The following LNP1 variants were observed in gnomAD, a reference collection of about 807,000 sequenced individuals.
The protein encoded by LNP1 is leukemia NUP98 fusion partner 1.
Under a neutral mutation model 14.5 loss-of-function variants are expected in LNP1, and 12 were observed. The observed-to-expected ratio is 0.83, with a 90% CI of 0.53 to 1.34. The LOEUF is 1.34. Among genes scored for constraint, LNP1 ranks in the 40% most tolerant of loss-of-function variants. LNP1 has a pLI of 0.00. For synonymous variants in LNP1, 75 were observed against 71.4 expected (o/e 1.05, Z -0.26); for missense variants, 198 against 210.9 (o/e 0.94, Z 0.38).
chr3:100,409,323 T>A (rs1009361714), intron 1 of LNP1, among the ~76,000 whole-genome samples: 3 of 152,086 alleles, frequency 2.0e-5, no homozygotes, highest in African/African-American at 7.2e-5. Flanking sequence ...GCTTGTTTAC[T>A]ATAGGTCTTA....
intron 1 of LNP1, among the ~76,000 whole-genome samples, chr3:100,423,038 C>T (rs1014697457): frequency 6.6e-6 from 1 of 151,994 alleles, no homozygotes; most frequent in Non-Finnish European, 1.5e-5. Context: ...TATACTATGA[C>T]ACGTTGCCAC....
intron 1 of LNP1, among the ~76,000 whole-genome samples, chr3:100,412,779 C>T (rs1488229215): frequency 1.3e-5 from 2 of 152,162 alleles, no homozygotes; most frequent in African/African-American, 2.4e-5. Context: ...TATTCATTCT[C>T]ATATCTGCTG....
At chr3:100,405,039 G>T (rs1006268829) in intron 1 of LNP1, among the ~76,000 whole-genome samples, 16 of 152,024 alleles carry the variant, frequency 1.1e-4, no homozygotes, top group African/African-American at 3.9e-4. Context: ...TGATCCGCCC[G>T]CCTCGGCCTC....
intron 2 of LNP1, among the ~76,000 whole-genome samples, chr3:100,444,517 T>C (rs1188375385): frequency 1.3e-5 from 2 of 152,256 alleles, no homozygotes; most frequent in Non-Finnish European, 2.9e-5. Context: ...TTTTGGACTT[T>C]AGGGAACCTC....
chr3:100,454,882 C>A (rs1218142816), intron 3 of LNP1, among the ~76,000 whole-genome samples: 2 of 152,202 alleles, frequency 1.3e-5, no homozygotes, highest in Admixed American at 1.3e-4. Context: ...TGCTTAACTT[C>A]ACCTGATAAG....
rs1231008127 is a variant in LNP1, at chr3:100,455,802, A to G, written c.413A>G (p.Asn138Ser). The change falls in exon 4 of 4, where the codon AAT (asparagine) becomes AGT (serine). Residue 138 changes from asparagine (N) to serine (S), a missense_variant. Physicochemically the swap from Asn to Ser is conservative, Grantham distance 46 (BLOSUM62 1). Transcript: ENST00000383693. ...GGACCTGAAAGCAGAAAGGAGAGAA[A>G]TGAAAGAGAATGCCTGAGGATGGAG... ...SLGPESRKERNERECLRMEIK... is the reference protein window; with the variant it reads ...SLGPESRKERSERECLRMEIK... 1 of 1,613,984 alleles carries G rather than the reference A, an allele frequency of 6.2e-7. No individual in the cohort carries two copies. The highest frequency in any genetic ancestry group is 1.3e-5 in the African/African-American group (1 of 74,906).
At chr3:100,428,016 C>G (rs1259250382) in intron 1 of LNP1, among the ~76,000 whole-genome samples, 1 of 152,150 alleles carries the variant, frequency 6.6e-6, no homozygotes, top group East Asian at 1.9e-4. Flanking sequence ...GGCAAATGGC[C>G]AAGAATTCCT....
Position 100,402,053 on chromosome 3 carries a change from C to A in LNP1, c.-420C>A, listed in dbSNP as rs1337457822. ...AGCAGTCTCAGCCCTCTTCTCGTCT[C>A]ATTCCCAAATCGTAATTTCAGTTCA... On this transcript the variant is annotated 5_prime_UTR_variant, in exon 1 of 4. Transcript: ENST00000383693. The A allele has an allele frequency of 6.6e-6, 1 of 152,258 alleles. No individual in the cohort carries two copies. The highest frequency in any genetic ancestry group is 2.4e-5 in the African/African-American group (1 of 41,462). The allele number at this position is 152,258 out of a possible 1,614,324, so 9.4% of individuals were successfully genotyped here. A position where few individuals can be genotyped will look rare whatever the true frequency, so the allele number is the denominator to read the frequency against.
At chr3:100,418,244 A>ATCTTTTT (rs1214317464) in intron 1 of LNP1, among the ~76,000 whole-genome samples, 68 of 135,916 alleles carry the variant, frequency 5.0e-4, no homozygotes, top group Middle Eastern at 3.6e-3. Flanking sequence ...TTTTTTTTGT[A>ATCTTTTT]TTTTTAGCCA....
At chr3:100,404,895 C>T (rs558509651) in intron 1 of LNP1, among the ~76,000 whole-genome samples, 3 of 150,536 alleles carry the variant, frequency 2.0e-5, no homozygotes, top group South Asian at 2.1e-4. Flanking sequence ...TGGGTTCAAG[C>T]GATTCTCTTG....
intron 1 of LNP1, among the ~76,000 whole-genome samples, chr3:100,411,692 T>G (rs1707033267): frequency 6.6e-6 from 1 of 152,180 alleles, no homozygotes; most frequent in Non-Finnish European, 1.5e-5. Flanking sequence ...GTTTCTCACA[T>G]GACCTCTTTG....
chr3:100,444,873 C>A (rs1337443734), intron 2 of LNP1, among the ~76,000 whole-genome samples: 2 of 152,262 alleles, frequency 1.3e-5, no homozygotes, highest in East Asian at 3.9e-4. Context: ...ACCTTTATAA[C>A]CTTTATTAAG....
Position 100,436,072 on chromosome 3 carries a change from T to C in LNP1, c.156+6187T>C, listed in dbSNP as rs114578850. Among the ~76,000 whole-genome samples the C allele has an allele frequency of 9.1e-3, 1,387 of 152,310 alleles. 22 individuals carry two copies. The highest frequency in any genetic ancestry group is 0.033 in the African/African-American group (1,351 of 41,558). On this transcript the variant is annotated intron_variant, in intron 2 of 3. Coordinates refer to ENST00000383693, the MANE Select transcript of LNP1 (RefSeq NM_001085451.2). ...CTGATGGAGCTGCAAATTGTTTTAA[T>C]ACTGCTTATGTCAGGGCCGGTGCTT...
chr3:100,450,334 T>C (rs924288521), intron 2 of LNP1, among the ~76,000 whole-genome samples: 19 of 143,776 alleles, frequency 1.3e-4, no homozygotes, highest in African/African-American at 5.0e-4. Context: ...GGATGTTAAT[T>C]TTTTTTTTTT....
rs147743318 is a variant in LNP1, at chr3:100,419,156, A to G, written c.-33-10541A>G. On this transcript the variant is annotated intron_variant, in intron 1 of 3. Coordinates refer to ENST00000383693, the MANE Select transcript of LNP1 (RefSeq NM_001085451.2). ...AGGTTTTTTCTGCTACAGTTGCTCT[A>G]TTAGTTTTCATGTGGGGATTCAAAC... Among the ~76,000 whole-genome samples, 32 of 152,294 alleles carry G rather than the reference A, an allele frequency of 2.1e-4. No individual in the cohort carries two copies. The East Asian group carries it at 6.0e-3, about 28-fold the overall frequency.
chr3:100,405,938 A>G (rs1164709006), intron 1 of LNP1, among the ~76,000 whole-genome samples: 1 of 152,132 alleles, frequency 6.6e-6, no homozygotes, highest in Non-Finnish European at 1.5e-5. Context: ...GCCTCCCTTC[A>G]TACACCTCTT....
At chr3:100,438,709 T>C (rs1707315010) in intron 2 of LNP1, among the ~76,000 whole-genome samples, 1 of 152,146 alleles carries the variant, frequency 6.6e-6, no homozygotes, top group Non-Finnish European at 1.5e-5. Flanking sequence ...AGAGTCATGC[T>C]GTTTGGAGCA....
At chr3:100,418,636 A>G (rs964578555) in intron 1 of LNP1, among the ~76,000 whole-genome samples, 2 of 152,164 alleles carry the variant, frequency 1.3e-5, no homozygotes, top group Non-Finnish European at 2.9e-5. Context: ...AGTGTTTACA[A>G]ATATGGCAGC....
intron 2 of LNP1, among the ~76,000 whole-genome samples, chr3:100,437,170 A>G (rs1707300748): frequency 6.6e-6 from 1 of 152,222 alleles, no homozygotes; most frequent in African/African-American, 2.4e-5. Flanking sequence ...TAGGGAAAAC[A>G]TTATTATACA....
Sources: allele counts gnomAD v4.1 joint callset (sites outside exome capture counted in the v4.1 genomes callset), GRCh38; gene constraint gnomAD v4.1.1; transcripts MANE v1.5; gene names NCBI Gene and HGNC (gene_info 2026-07-23, HGNC 2026-07-21).